Variants in COL4A3 observed in about 807,000 individuals in gnomAD.
COL4A3 encodes collagen type IV alpha 3 chain, also known as collagen alpha-3(IV) chain.
In COL4A3, 135 loss-of-function variants were observed where a neutral mutation model predicts 217.4. That is an observed-to-expected ratio of 0.62 (90% CI 0.54 to 0.72). COL4A3 has a LOEUF of 0.72. COL4A3 is among the 30% of genes least tolerant of loss of function. The pLI, the probability that COL4A3 is intolerant of heterozygous loss-of-function variation, is 0.00. For missense variants in COL4A3, 1,868 were observed against 2,119.9 expected (o/e 0.88, Z 2.33); for synonymous variants, 690 against 736.3 (o/e 0.94, Z 1.02).
rs747151059 is a variant in COL4A3, at chr2:227,273,121, G to C, written c.1927+4G>C. The C allele has an allele frequency of 6.2e-7, 1 of 1,613,142 alleles. No homozygotes were observed. Among genetic ancestry groups the C allele is most frequent in the Admixed American group, 1.7e-5 (1 of 60,020 alleles). On this transcript the variant is annotated splice_donor_region_variant and intron_variant, in intron 26 of 51. Coordinates refer to ENST00000396578, the MANE Select transcript of COL4A3 (RefSeq NM_000091.5). ...CCCGGACCACCCGGAGAAGCCGGTT[G>C]GTTAGTTTTCTTTCCAGTCCTGTTT...
chr2:227,309,400 G>C, intron 50 of COL4A3, 82 bp downstream of exon 50: 1 of 1,052,748 alleles, frequency 9.5e-7, no homozygotes, highest in Non-Finnish European at 1.4e-6. Context: ...GTGATTCCCA[G>C]GGTCGATGCT....
chr2:227,246,303 G>T (rs1442218447), intron 6 of COL4A3: 1 of 520,160 alleles, frequency 1.9e-6, no homozygotes, highest in Non-Finnish European at 3.4e-6. Context: ...TTTGAGTGCA[G>T]AATTAGTTTT....
intron 1 of COL4A3, among the ~76,000 whole-genome samples, chr2:227,218,013 A>G (rs980733994): frequency 4.7e-5 from 7 of 150,234 alleles, no homozygotes; most frequent in African/African-American, 1.7e-4. Flanking sequence ...AACTCCATAT[A>G]ACTATATATA....
Position 227,307,722 on chromosome 2 carries a change from C to G in COL4A3, c.4265C>G (p.Ser1422Ter), listed in dbSNP as rs2106283830. The change falls in exon 48 of 52, where the codon TCA becomes TGA. Residue 1422 changes from serine to a stop codon, truncating the protein, a stop_gained. Coordinates refer to ENST00000396578, the MANE Select transcript of COL4A3 (RefSeq NM_000091.5). LOFTEE classifies it high-confidence loss of function. ...GSKGEPGPAG[S>*]DGLPGLKGKR... is the part of the protein sequence containing the mutation. The stretch of plus-strand genomic sequence containing the variant: ...GTGTTTTTTGAAGGACCAGCTGGAT[C>G]AGATGGATTGCCAGGTTTGAAAGGA... The G allele has an allele frequency of 1.2e-6, 2 of 1,614,028 alleles. No individual in the cohort carries two copies. Among genetic ancestry groups the G allele is most frequent in the African/African-American group, 1.3e-5 (1 of 75,034 alleles).
chr2:227,253,765 C>T lies in COL4A3; in HGVS notation c.765+127C>T. On this transcript the variant is annotated intron_variant, in intron 13 of 51. Coordinates refer to ENST00000396578, the MANE Select transcript of COL4A3 (RefSeq NM_000091.5). The surrounding 1 kb of genome is among the most constrained non-coding windows in gnomAD (Gnocchi z 4.4). ...GCTCAGCCCAGCTCCCTCAGCCAGCCAGAACCTCCAGGATTGATTCCTTCC... is the reference window on the plus strand; with the variant it reads ...GCTCAGCCCAGCTCCCTCAGCCAGCTAGAACCTCCAGGATTGATTCCTTCC... 1 of 842,478 alleles carries T rather than the reference C, an allele frequency of 1.2e-6. No individual in the cohort carries two copies. The highest frequency in any genetic ancestry group is 2.1e-6 in the Non-Finnish European group (1 of 484,806). The allele number at this position is 842,478 out of a possible 1,614,324, so 52.2% of individuals were successfully genotyped here.
rs865808769 is a variant in COL4A3 at position 227,312,344 on chromosome 2, T to C, written c.*474T>C. 12 of 222,920 alleles carry C rather than the reference T, an allele frequency of 5.4e-5. No homozygotes were observed. The highest frequency in any genetic ancestry group is 2.6e-4 in the African/African-American group (11 of 42,778). The allele number at this position is 222,920 out of a possible 1,614,324, so 13.8% of individuals were successfully genotyped here. A position where few individuals can be genotyped will look rare whatever the true frequency, so the allele number is the denominator to read the frequency against. ...AGGGGGCATGTGGTATCCTGGAGCA[T>C]TGTGTATAGAACTGGATTTTCAGAC... On this transcript the variant is annotated 3_prime_UTR_variant, in exon 52 of 52. Coordinates refer to ENST00000396578, the MANE Select transcript of COL4A3 (RefSeq NM_000091.5).
chr2:227,207,651 G>A (rs2067151851), intron 1 of COL4A3, among the ~76,000 whole-genome samples: 1 of 152,180 alleles, frequency 6.6e-6, no homozygotes, highest in South Asian at 2.1e-4. Flanking sequence ...ACGCACTTTG[G>A]TGCCTTATCT....
At chr2:227,174,514 A>G (rs1216312193) in intron 1 of COL4A3, among the ~76,000 whole-genome samples, 4 of 151,820 alleles carry the variant, frequency 2.6e-5, no homozygotes, top group African/African-American at 9.7e-5. Flanking sequence ...TATTATTATT[A>G]TTATTATTTT....
chr2:227,309,990 G>A (rs553335628), intron 50 of COL4A3, among the ~76,000 whole-genome samples: 3 of 152,194 alleles, frequency 2.0e-5, no homozygotes, highest in East Asian at 1.9e-4. Flanking sequence ...TTATGAAAAC[G>A]CTCATAGGTA....
At chr2:227,283,962 G>C in intron 33 of COL4A3, 106 bp downstream of exon 33, 1 of 1,096,416 alleles carries the variant, frequency 9.1e-7, no homozygotes, top group East Asian at 2.4e-5. Context: ...AGTTCTGAGA[G>C]AGCAACAGTA....
At chr2:227,168,383 C>T (rs75387055) in intron 1 of COL4A3, among the ~76,000 whole-genome samples, 7,546 of 152,216 alleles carry the variant, frequency 0.05, 235 homozygotes, top group Admixed American at 0.087. Context: ...TTGTTTTGAC[C>T]AGTGAGTTTG....
chr2:227,201,818 C>T (rs1333119452), intron 1 of COL4A3, among the ~76,000 whole-genome samples: 1 of 152,124 alleles, frequency 6.6e-6, no homozygotes, highest in African/African-American at 2.4e-5. Context: ...AATGGATAGC[C>T]AGATTAATTT....
At chr2:227,300,453 C>A (rs370587740) in intron 43 of COL4A3, among the ~76,000 whole-genome samples, 6 of 152,168 alleles carry the variant, frequency 3.9e-5, no homozygotes, top group African/African-American at 1.4e-4. Flanking sequence ...TAGGCCTGTG[C>A]CCCAAGCCTG....
At chr2:227,249,467 C>A (rs778840110) in intron 9 of COL4A3, among the ~76,000 whole-genome samples, 1 of 151,352 alleles carries the variant, frequency 6.6e-6, no homozygotes, top group Non-Finnish European at 1.5e-5. Flanking sequence ...AGCTCCCGAC[C>A]TCAGGTGATC....
intron 1 of COL4A3, among the ~76,000 whole-genome samples, chr2:227,213,929 A>C (rs1219454900): frequency 6.6e-6 from 1 of 151,792 alleles, no homozygotes; most frequent in African/African-American, 2.4e-5. Flanking sequence ...AGAAAAAGAA[A>C]AAGAAAAAAC....
chr2:227,207,170 C>T lies in COL4A3; in HGVS notation c.88-30798C>T, dbSNP rs141526381. Reference sequence around the variant, plus strand: ...AACCCTATCCCTTTCCACTCGTCATCTCTTGCCTTTCATTCCAGGTTTCTA... The same window carrying T: ...AACCCTATCCCTTTCCACTCGTCATTTCTTGCCTTTCATTCCAGGTTTCTA... On this transcript the variant is annotated intron_variant, in intron 1 of 51. Transcript: ENST00000396578. 8.7e-3 allele frequency among the ~76,000 whole-genome samples: 1,329 copies of T among 152,284 alleles called. 17 individuals are homozygous for T. The highest frequency in any genetic ancestry group is 0.017 in the Admixed American group (267 of 15,290).
At chr2:227,201,639 G>C (rs1026126001) in intron 1 of COL4A3, among the ~76,000 whole-genome samples, 4 of 152,134 alleles carry the variant, frequency 2.6e-5, no homozygotes, top group Admixed American at 6.6e-5. Flanking sequence ...TAAAAACTGA[G>C]AAATACCTGA....
Position 227,297,878 on chromosome 2 carries a change from A to G in COL4A3, c.3751+19A>G. On this transcript the variant is annotated intron_variant, in intron 42 of 51. Coordinates refer to ENST00000396578, the MANE Select transcript of COL4A3 (RefSeq NM_000091.5). ...AGCCCAGGTAAAGGGTTTACTTTTA[A>G]ACAGCATAAAATAACAAAAATCATG... The G allele has an allele frequency of 6.4e-7, 1 of 1,551,996 alleles. No homozygotes were observed. The highest frequency in any genetic ancestry group is 2.4e-5 in the East Asian group (1 of 40,986).
At chr2:227,187,646 T>C (rs1320477161) in intron 1 of COL4A3, among the ~76,000 whole-genome samples, 1 of 152,202 alleles carries the variant, frequency 6.6e-6, no homozygotes, top group Non-Finnish European at 1.5e-5. Context: ...ATTGACCTCA[T>C]TAGCCCATTG....
Sources: gnomAD v4.1 joint callset for allele counts (sites outside exome capture counted in the v4.1 genomes callset) on GRCh38, gnomAD v4.1.1 for gene constraint, Gnocchi (gnomAD v3.1) non-coding constraint, MANE v1.5 for transcripts, NCBI Gene and HGNC (gene_info 2026-07-23, HGNC 2026-07-21) for gene names.